The following RBFOX3 variants were observed in gnomAD, a reference collection of about 807,000 sequenced individuals.
RBFOX3 encodes RNA binding fox-1 homolog 3.
In RBFOX3, 17 loss-of-function variants were observed where a neutral mutation model predicts 48.7. The ratio of observed to expected loss-of-function variants is 0.35; its 90% CI spans 0.24 to 0.52. The LOEUF (loss-of-function observed/expected upper bound fraction) is 0.52, where lower values mean the gene tolerates loss of function less well. Ranked by LOEUF, RBFOX3 falls within the 20% of genes least tolerant of loss-of-function variation. RBFOX3 has a pLI of 0.94. For missense variants in RBFOX3, 382 were observed against 497.5 expected (o/e 0.77, Z 2.21); for synonymous variants, 212 against 209.5 (o/e 1.01, Z -0.10).
chr17:79,187,578 C>T (rs2053668788), intron 4 of RBFOX3, among the ~76,000 whole-genome samples: 1 of 152,126 alleles, frequency 6.6e-6, no homozygotes, highest in African/African-American at 2.4e-5. Flanking sequence ...ACTAGATCTC[C>T]ACAGTGGGGT....
At chr17:79,189,148 C>CT (rs2053990264) in intron 4 of RBFOX3, among the ~76,000 whole-genome samples, 1 of 152,240 alleles carries the variant, frequency 6.6e-6, no homozygotes, top group Non-Finnish European at 1.5e-5. Flanking sequence ...TGATTGCTAA[C>CT]TGTAACAATA....
intron 3 of RBFOX3, among the ~76,000 whole-genome samples, chr17:79,257,729 T>A (rs1269341536): frequency 6.6e-6 from 1 of 151,946 alleles, no homozygotes; most frequent in South Asian, 2.1e-4. Flanking sequence ...TACAGGCACA[T>A]GGCACCACAC....
chr17:79,492,791 G>A lies in RBFOX3; in HGVS notation c.-319-10193C>T, dbSNP rs868920974. ...TGGAGCCACAGGCATGGAGAAGAAC[G>A]CGAAGTGAGAAGACAGGATGAGAGC... On this transcript the variant is annotated intron_variant, in intron 1 of 14. Coordinates refer to ENST00000693108, the MANE Select transcript of RBFOX3 (RefSeq NM_001350451.2). Among the ~76,000 whole-genome samples, 992 of 152,346 alleles carry A rather than the reference G, an allele frequency of 6.5e-3. 9 individuals are homozygous for A. The highest frequency in any genetic ancestry group is 0.023 in the African/African-American group (948 of 41,580).
intron 4 of RBFOX3, among the ~76,000 whole-genome samples, chr17:79,159,667 C>T (rs1445617117): frequency 2.6e-5 from 4 of 152,212 alleles, no homozygotes; most frequent in East Asian, 1.9e-4. Context: ...ACCGTGCCCA[C>T]GCCTGGGCTG....
chr17:79,518,178 C>T (rs1337564862), intron 1 of RBFOX3, among the ~76,000 whole-genome samples: 1 of 152,216 alleles, frequency 6.6e-6, no homozygotes, highest in East Asian at 1.9e-4. Context: ...TTCATTTATA[C>T]TCTGAGCACA....
the RBFOX3 span, among the ~76,000 whole-genome samples, chr17:79,633,639 CCT>C: frequency 4.6e-5 from 7 of 152,076 alleles, no homozygotes; most frequent in Admixed American, 3.3e-4. Flanking sequence ...TGCTCCACAC[CCT>C]GAGGGCCTGG....
At chr17:79,658,807 G>T in the RBFOX3 span, among the ~76,000 whole-genome samples, 1 of 152,120 alleles carries the variant, frequency 6.6e-6, no homozygotes, top group Admixed American at 6.6e-5. Context: ...TGAAAACACA[G>T]AAACAAGAGC....
intron 4 of RBFOX3, chr17:79,233,720 C>G (rs2061306978): frequency 6.6e-6 from 1 of 151,976 alleles, no homozygotes; most frequent in Non-Finnish European, 1.5e-5. Flanking sequence ...GATTCTCGTG[C>G]CTCAGCCTCC....
At chr17:79,117,175 C>G (rs911884733) in intron 4 of RBFOX3, among the ~76,000 whole-genome samples, 11 of 152,366 alleles carry the variant, frequency 7.2e-5, no homozygotes, top group Non-Finnish European at 4.4e-5. Context: ...CTCGCCCCCC[C>G]AGGAGTCTGC....
intron 3 of RBFOX3, among the ~76,000 whole-genome samples, chr17:79,250,840 T>C (rs2063833753): frequency 6.7e-6 from 1 of 149,492 alleles, no homozygotes; most frequent in East Asian, 2.0e-4. Flanking sequence ...TCTCTTTCTT[T>C]CTTTCTTCCC....
chr17:79,506,513 A>T (rs1173762270), intron 1 of RBFOX3, among the ~76,000 whole-genome samples: 1 of 152,188 alleles, frequency 6.6e-6, no homozygotes, highest in African/African-American at 2.4e-5. Flanking sequence ...ATGTCCCAAG[A>T]GGAGTGCTCC....
intron 2 of RBFOX3, among the ~76,000 whole-genome samples, chr17:79,476,538 G>A (rs2077784018): frequency 6.6e-6 from 1 of 152,186 alleles, no homozygotes; most frequent in Non-Finnish European, 1.5e-5. Context: ...GTTCTTGGAG[G>A]CAAACCCCAC....
chr17:79,340,063 C>T (rs951954140), intron 2 of RBFOX3, among the ~76,000 whole-genome samples: 2 of 152,140 alleles, frequency 1.3e-5, no homozygotes, highest in African/African-American at 2.4e-5. Flanking sequence ...CTTTGGGAGG[C>T]CAAGGCGGGC....
At chr17:79,174,456 G>A (rs547586207) in intron 4 of RBFOX3, among the ~76,000 whole-genome samples, 2 of 150,334 alleles carry the variant, frequency 1.3e-5, no homozygotes, top group East Asian at 2.0e-4. Flanking sequence ...TATCACATAC[G>A]CCACATGCAC....
Position 79,348,965 on chromosome 17 carries a change from C to T in RBFOX3, c.-174-41141G>A, listed in dbSNP as rs1451181790. On this transcript the variant is annotated intron_variant, in intron 2 of 14. Coordinates refer to ENST00000693108, the MANE Select transcript of RBFOX3 (RefSeq NM_001350451.2). ...ACCCTGCTCTTCCCTCTGCATCCTT[C>T]ATGTGGGTAAACAATCCCTCCAGGC... Among the ~76,000 whole-genome samples, 3 of 152,092 alleles carry T rather than the reference C, an allele frequency of 2.0e-5. No homozygotes were observed. In the East Asian group the frequency reaches 5.8e-4, roughly 29 times the overall value.
At chr17:79,370,349 A>G (rs1211448643) in intron 2 of RBFOX3, among the ~76,000 whole-genome samples, 1 of 152,174 alleles carries the variant, frequency 6.6e-6, no homozygotes, top group Non-Finnish European at 1.5e-5. Flanking sequence ...GCCTCACTTG[A>G]CACTTGCAGA....
chr17:79,252,674 C>T lies in RBFOX3; in HGVS notation c.-73-16869G>A, dbSNP rs181633043. On this transcript the variant is annotated intron_variant, in intron 3 of 14. Coordinates refer to ENST00000693108, the MANE Select transcript of RBFOX3 (RefSeq NM_001350451.2). The surrounding 1 kb of genome is among the most constrained non-coding windows in gnomAD (Gnocchi z 4.0). ...TTCAAGCCGCTACGTTTGTTTGCGA[C>T]GGCGGCACCTAATGCGGTCCTCTTG... is the stretch of plus-strand genomic sequence containing the variant. 5.3e-5 allele frequency among the ~76,000 whole-genome samples: 8 copies of T among 152,216 alleles called. No individual in the cohort carries two copies. The East Asian group carries it at 5.8e-4, about 11-fold the overall frequency.
At chr17:79,550,948 C>T (rs2091086749) in intron 1 of RBFOX3, among the ~76,000 whole-genome samples, 1 of 152,244 alleles carries the variant, frequency 6.6e-6, no homozygotes, top group African/African-American at 2.4e-5. Flanking sequence ...TCCAATAGAA[C>T]TTTCTGTGAG....
intron 2 of RBFOX3, among the ~76,000 whole-genome samples, chr17:79,380,806 C>T (rs1445255897): frequency 6.6e-6 from 1 of 152,174 alleles, no homozygotes; most frequent in Non-Finnish European, 1.5e-5. Flanking sequence ...CCTCCAGCCT[C>T]CACCACACTT....
Sources: allele counts gnomAD v4.1 joint callset (sites outside exome capture counted in the v4.1 genomes callset), GRCh38; gene constraint gnomAD v4.1.1; non-coding constraint Gnocchi (gnomAD v3.1); transcripts MANE v1.5; gene names NCBI Gene and HGNC (gene_info 2026-07-23, HGNC 2026-07-21).